NPIPB8: variants seen among roughly 807,000 people sequenced by gnomAD.
NPIPB8 encodes the protein nuclear pore complex interacting protein family member B8, also known as nuclear pore complex-interacting protein family member B8.
NPIPB8 carries 3 observed loss-of-function variants against 5.3 expected under a neutral mutation model. The ratio of observed to expected loss-of-function variants is 0.57; its 90% CI spans 0.26 to 1.47. NPIPB8 has a LOEUF of 1.47. NPIPB8 is among the 40% of genes most tolerant of loss of function. The pLI is 0.13. For missense variants in NPIPB8, 50 were observed against 50.2 expected, an observed-to-expected ratio of 1.00 and a Z score of 0.01; for synonymous variants, 18 against 23.0, an observed-to-expected ratio of 0.78 and a Z score of 0.62.
At chr16:28,640,583 A>T (rs3987663) in intron 2 of NPIPB8, among the ~76,000 whole-genome samples, 6 of 151,886 alleles carry the variant, frequency 4.0e-5, no homozygotes, top group Non-Finnish European at 1.5e-5. Context: ...CTCCATTAAG[A>T]CCGTCATATG....
At chr16:28,638,211 G>A (rs1488766006) in intron 1 of NPIPB8, 61 bp downstream of exon 1, 6 of 1,378,798 alleles carry the variant, frequency 4.4e-6, no homozygotes, top group African/African-American at 1.6e-5. Flanking sequence ...ACAGGAATTT[G>A]AACTTGGTTC....
At chr16:28,652,551 T>C (rs2048058183) in intron 5 of NPIPB8, among the ~76,000 whole-genome samples, 187 bp downstream of exon 5, 1 of 108,188 alleles carries the variant, frequency 9.2e-6, no homozygotes, top group African/African-American at 4.1e-5. Flanking sequence ...CATTCTTGTT[T>C]GTAATTTTTT....
rs761549623 is a variant in NPIPB8, at chr16:28,638,313, T to C, written c.-38-10T>C. 10 of 1,557,898 alleles carry C rather than the reference T, an allele frequency of 6.4e-6. No individual in the cohort carries two copies. The highest frequency in any genetic ancestry group is 8.6e-6 in the Non-Finnish European group (10 of 1,159,310). ...CATTCAACAAACTTTTTTTCTTAAT[T>C]GTCTAATAGGTTGGCACTCATCATG... On this transcript the variant is annotated splice_polypyrimidine_tract_variant and intron_variant, in intron 1 of 7. Coordinates refer to ENST00000683297, the MANE Select transcript of NPIPB8 (RefSeq NM_001310136.2).
intron 2 of NPIPB8, among the ~76,000 whole-genome samples, chr16:28,642,515 C>T (rs1036494611): frequency 8.0e-5 from 12 of 150,720 alleles, no homozygotes; most frequent in Non-Finnish European, 1.6e-4. Context: ...GACAGAGTCT[C>T]GCTCTGTCGC....
intron 2 of NPIPB8, among the ~76,000 whole-genome samples, chr16:28,642,414 C>A (rs2047916402): frequency 6.6e-6 from 1 of 150,692 alleles, no homozygotes; most frequent in Non-Finnish European, 1.5e-5. Flanking sequence ...AAATCTAGGG[C>A]CGGAACATGG....
At chr16:28,639,370 G>T in intron 2 of NPIPB8, among the ~76,000 whole-genome samples, 1 of 147,306 alleles carries the variant, frequency 6.8e-6, no homozygotes, top group East Asian at 2.0e-4. Flanking sequence ...TCTCAAAAAT[G>T]ATCTTTTATT....
In NPIPB8 at chr16:28,639,539, C is replaced by T. The variant is rs1567328746; in HGVS notation, c.120+1059C>T. Among the ~76,000 whole-genome samples, 3 of 136,256 alleles carry T rather than the reference C, an allele frequency of 2.2e-5. No homozygotes were observed. In the Admixed American group the frequency reaches 2.2e-4, roughly 10 times the overall value. 89.4% of individuals were successfully genotyped at this position (136,256 alleles called of 152,430 possible). ...TGGCACAATCTTGGCTCACTGCAAC[C>T]TCCGTCTCCCGGGTTCAAGCAATTC... On this transcript the variant is annotated intron_variant, in intron 2 of 7. Coordinates refer to ENST00000683297, the MANE Select transcript of NPIPB8 (RefSeq NM_001310136.2).
chr16:28,643,061 A>G (rs1461419609), intron 2 of NPIPB8, among the ~76,000 whole-genome samples: 4 of 151,756 alleles, frequency 2.6e-5, no homozygotes, highest in South Asian at 4.2e-4. Context: ...TGGTCACCAG[A>G]CCCCTGGGTC....
upstream of NPIPB8, chr16:28,638,008 G>T (rs996476271): frequency 1.2e-6 from 1 of 841,576 alleles, no homozygotes; most frequent in African/African-American, 1.8e-5. Context: ...CAATAATAGT[G>T]AAATGGATCC....
intron 5 of NPIPB8, among the ~76,000 whole-genome samples, chr16:28,652,664 G>T (rs1169646306): frequency 8.3e-6 from 1 of 119,936 alleles, no homozygotes; most frequent in Non-Finnish European, 1.7e-5. Flanking sequence ...AGGCTGTAGT[G>T]CAATGGCACA....
At chr16:28,643,397 G>A (rs2151752196) in intron 2 of NPIPB8, among the ~76,000 whole-genome samples, 1 of 116,140 alleles carries the variant, frequency 8.6e-6, no homozygotes, top group South Asian at 3.4e-4. Flanking sequence ...GGAATTCCCA[G>A]GCCAGAGGGA....
At chr16:28,641,545 C>A (rs891195865) in intron 2 of NPIPB8, among the ~76,000 whole-genome samples, 1 of 141,934 alleles carries the variant, frequency 7.0e-6, no homozygotes, top group Admixed American at 7.0e-5. Context: ...AGGAGCCCTA[C>A]CTTCTGGCCT....
Position 28,644,548 on chromosome 16 carries a change from C to T in NPIPB8, c.121-3587C>T, listed in dbSNP as rs1488069752. ...CCCCCCTGCCCTAAGCCACCTCCAC[C>T]TCTGTCCTGGACACCTCAGGGCGCC... On this transcript the variant is annotated intron_variant, in intron 2 of 7. Transcript: ENST00000683297. 5 of 1,488,476 alleles carry T rather than the reference C, an allele frequency of 3.4e-6. No homozygotes were observed. In the African/African-American group the frequency reaches 4.8e-5, roughly 14 times the overall value. The allele number at this position is 1,488,476 out of a possible 1,614,324, so 92.2% of individuals were successfully genotyped here.
intron 5 of NPIPB8, among the ~76,000 whole-genome samples, chr16:28,653,084 T>C (rs1375541206): frequency 9.3e-6 from 1 of 107,596 alleles, no homozygotes; most frequent in Non-Finnish European, 2.0e-5. Context: ...TTTTTTTTTT[T>C]TTTTTTGAGA....
intron 5 of NPIPB8, among the ~76,000 whole-genome samples, chr16:28,652,750 C>A (rs2048064016): frequency 7.4e-6 from 1 of 134,972 alleles, no homozygotes; most frequent in Non-Finnish European, 1.6e-5. Flanking sequence ...TACAGGTGCC[C>A]ACCACCATGC....
At chr16:28,641,420 G>T (rs1352782903) in intron 2 of NPIPB8, among the ~76,000 whole-genome samples, 2 of 144,398 alleles carry the variant, frequency 1.4e-5, no homozygotes, top group Admixed American at 6.9e-5. Context: ...GGATAACTCA[G>T]CATCCCAGCC....
intron 2 of NPIPB8, among the ~76,000 whole-genome samples, 199 bp downstream of exon 2, chr16:28,638,679 T>C (rs1254489107): frequency 2.7e-5 from 4 of 150,932 alleles, no homozygotes; most frequent in African/African-American, 7.4e-5. Flanking sequence ...CACTATCTTC[T>C]GTCAGAAACT....
In NPIPB8 at chr16:28,639,047, C is replaced by T. The variant is rs1180819120; in HGVS notation, c.120+567C>T. Reference sequence around the variant, plus strand: ...TCACGCCATTGCACTCCAGACTGTGCGACAGAGCGAGACTCTGTCAAAAAA... The same window carrying T: ...TCACGCCATTGCACTCCAGACTGTGTGACAGAGCGAGACTCTGTCAAAAAA... On this transcript the variant is annotated intron_variant, in intron 2 of 7. Coordinates refer to ENST00000683297, the MANE Select transcript of NPIPB8 (RefSeq NM_001310136.2). Among the ~76,000 whole-genome samples, 12 of 144,198 alleles carry T rather than the reference C, an allele frequency of 8.3e-5. No homozygotes were observed. In the South Asian group the frequency reaches 1.5e-3, roughly 19 times the overall value. The allele number at this position is 144,198 out of a possible 152,430, so 94.6% of individuals were successfully genotyped here.
chr16:28,644,570 C>A (rs377447795), intron 2 of NPIPB8: 12 of 1,524,594 alleles, frequency 7.9e-6, no homozygotes, highest in African/African-American at 4.7e-5. Context: ...CACCTCAGGG[C>A]GCCCTGAAAG....
Sources: allele counts gnomAD v4.1 joint callset (sites outside exome capture counted in the v4.1 genomes callset), GRCh38; gene constraint gnomAD v4.1.1; transcripts MANE v1.5; gene names NCBI Gene and HGNC (gene_info 2026-07-23, HGNC 2026-07-21).